CA10: variants seen among roughly 807,000 people sequenced by gnomAD.
The protein encoded by CA10 is carbonic anhydrase 10 (inactive).
A neutral mutation model predicts 44.2 loss-of-function variants in CA10; 14 were observed. That is an observed-to-expected ratio of 0.32 (90% CI 0.21 to 0.50). CA10 has a LOEUF of 0.50. Among genes scored for constraint, CA10 ranks in the 20% least tolerant of loss-of-function variants. CA10 has a pLI of 0.99. For missense variants in CA10, 350 were observed against 409.7 expected (o/e 0.85, Z 1.26); for synonymous variants, 159 against 141.6 (o/e 1.12, Z -0.87).
At chr17:51,884,569 C>T (rs1158864560) in intron 3 of CA10, among the ~76,000 whole-genome samples, 4 of 152,168 alleles carry the variant, frequency 2.6e-5, no homozygotes, top group Non-Finnish European at 1.5e-5. Context: ...TTTAAAATAG[C>T]ACACAGCTTC....
intron 2 of CA10, among the ~76,000 whole-genome samples, chr17:52,042,394 T>TA (rs574124462): frequency 7.2e-5 from 11 of 151,810 alleles, no homozygotes; most frequent in East Asian, 1.9e-4. Flanking sequence ...ATGCCTTTTT[T>TA]AAAAAAAACA....
At chr17:52,079,384 G>T (rs1987904862) in intron 1 of CA10, among the ~76,000 whole-genome samples, 1 of 151,796 alleles carries the variant, frequency 6.6e-6, no homozygotes, top group Non-Finnish European at 1.5e-5. Context: ...GCTTCAACCC[G>T]GGAGACGGAG....
At chr17:51,748,746 C>T (rs955336832) in intron 3 of CA10, among the ~76,000 whole-genome samples, 15 of 152,190 alleles carry the variant, frequency 9.9e-5, no homozygotes, top group Admixed American at 8.5e-4. Context: ...GCCAAGCCTT[C>T]AGCCCTAGTG....
intron 2 of CA10, among the ~76,000 whole-genome samples, chr17:52,052,179 G>A (rs541596909): frequency 2.2e-4 from 34 of 151,582 alleles, no homozygotes; most frequent in African/African-American, 7.7e-4. Context: ...TAAGTAATGG[G>A]TACTAGGCTT....
intron 3 of CA10, among the ~76,000 whole-genome samples, chr17:51,792,205 A>T (rs1455956016): frequency 2.0e-5 from 3 of 152,206 alleles, no homozygotes; most frequent in Admixed American, 2.0e-4. Flanking sequence ...AGGCTAAGCA[A>T]CTTCCTCCAA....
chr17:51,875,744 C>A (rs1304852123), intron 3 of CA10, among the ~76,000 whole-genome samples: 1 of 152,040 alleles, frequency 6.6e-6, no homozygotes, highest in East Asian at 1.9e-4. Context: ...GTAGCCACTG[C>A]CAAAATCAGG....
chr17:51,649,620 A>G (rs1913478852), intron 5 of CA10, among the ~76,000 whole-genome samples: 1 of 152,200 alleles, frequency 6.6e-6, no homozygotes, highest in Non-Finnish European at 1.5e-5. Context: ...ATGAAAGGCA[A>G]GGAAAAGCAT....
intron 3 of CA10, among the ~76,000 whole-genome samples, chr17:51,872,367 C>T (rs1979859242): frequency 6.6e-6 from 1 of 152,138 alleles, no homozygotes; most frequent in African/African-American, 2.4e-5. Context: ...CTTCGTAGGG[C>T]TCATAGTTGA....
At chr17:51,679,290 C>T (rs1286397751) in intron 4 of CA10, among the ~76,000 whole-genome samples, 4 of 148,050 alleles carry the variant, frequency 2.7e-5, no homozygotes, top group African/African-American at 1.0e-4. Flanking sequence ...GATGGAGTCT[C>T]GCTCTGTCAC....
chr17:51,903,700 G>A (rs1269801813), intron 3 of CA10, among the ~76,000 whole-genome samples: 1 of 152,126 alleles, frequency 6.6e-6, no homozygotes, highest in Non-Finnish European at 1.5e-5. Flanking sequence ...ATATGGTGAT[G>A]TGTCAAAACT....
At chr17:51,647,365 T>G (rs1913382475) in intron 6 of CA10, among the ~76,000 whole-genome samples, 1 of 152,140 alleles carries the variant, frequency 6.6e-6, no homozygotes, top group East Asian at 1.9e-4. Context: ...CCTTCAGTGC[T>G]CTCCAGGTTT....
chr17:52,060,542 G>A (rs1333733621), intron 2 of CA10, among the ~76,000 whole-genome samples: 1 of 152,086 alleles, frequency 6.6e-6, no homozygotes, highest in African/African-American at 2.4e-5. Context: ...TAACTTTTCT[G>A]TAAATCTAAA....
At chr17:51,946,370 A>C (rs552036250) in intron 2 of CA10, among the ~76,000 whole-genome samples, 2 of 152,314 alleles carry the variant, frequency 1.3e-5, no homozygotes, top group African/African-American at 4.8e-5. Flanking sequence ...TAACTACTTC[A>C]ATCTACTGAT....
intron 2 of CA10, among the ~76,000 whole-genome samples, chr17:52,026,877 G>A (rs1396810354): frequency 6.6e-6 from 1 of 152,084 alleles, no homozygotes; most frequent in African/African-American, 2.4e-5. Flanking sequence ...CAACATTTCT[G>A]GCACGAGGAA....
chr17:51,644,108 A>G (rs1020743002), intron 6 of CA10, among the ~76,000 whole-genome samples: 1 of 151,920 alleles, frequency 6.6e-6, no homozygotes, highest in African/African-American at 2.4e-5. Flanking sequence ...TCCTCCTTGT[A>G]TGAATTTCCT....
Position 51,915,268 on chromosome 17 carries a change from G to A in CA10, c.279+15722C>T, listed in dbSNP as rs1057393361. On this transcript the variant is annotated intron_variant, in intron 3 of 8. Transcript: ENST00000451037. ...GGAAATACCAGATCTCACGGTAATC[G>A]GCAAGGACAATTTGTTCGTCAAAAC... is the stretch of plus-strand genomic sequence containing the variant. Among the ~76,000 whole-genome samples the A allele has an allele frequency of 2.6e-5, 4 of 152,216 alleles. No homozygotes were observed. The East Asian group carries it at 5.8e-4, about 22-fold the overall frequency.
chr17:51,733,016 G>T (rs542966721), intron 4 of CA10, among the ~76,000 whole-genome samples: 1 of 152,086 alleles, frequency 6.6e-6, no homozygotes, highest in South Asian at 2.1e-4. Context: ...TATCCCAAAG[G>T]TATTCTAGTA....
At chr17:51,999,441 A>G (rs1985347263) in intron 2 of CA10, among the ~76,000 whole-genome samples, 1 of 152,046 alleles carries the variant, frequency 6.6e-6, no homozygotes, top group Admixed American at 6.6e-5. Flanking sequence ...GTGGGACTGG[A>G]AGGCAGAAGT....
At chr17:52,097,956 C>T (rs1433182348) in intron 1 of CA10, among the ~76,000 whole-genome samples, 5 of 152,268 alleles carry the variant, frequency 3.3e-5, no homozygotes, top group South Asian at 2.1e-4. Flanking sequence ...GTGTATCTTT[C>T]CCCCGTCACC....
Sources: gnomAD v4.1 joint callset for allele counts (sites outside exome capture counted in the v4.1 genomes callset) on GRCh38, gnomAD v4.1.1 for gene constraint, MANE v1.5 for transcripts, NCBI Gene and HGNC (gene_info 2026-07-23, HGNC 2026-07-21) for gene names.